C12orf42: variants seen among roughly 807,000 people sequenced by gnomAD.
C12orf42 encodes chromosome 12 open reading frame 42.
In C12orf42, 25 loss-of-function variants were observed where a neutral mutation model predicts 21.6. That is an observed-to-expected ratio of 1.16 (90% CI 0.84 to 1.62). The LOEUF (loss-of-function observed/expected upper bound fraction) is 1.62, where lower values mean the gene tolerates loss of function less well. Among genes scored for constraint, C12orf42 ranks in the 40% most tolerant of loss-of-function variants. The pLI is 0.00. For synonymous variants in C12orf42, 174 were observed against 175.0 expected (o/e 0.99, Z 0.05); for missense variants, 483 against 459.3 (o/e 1.05, Z -0.47).
chr12:103,267,974 C>T (rs1266932369), downstream of C12orf42: 3 of 151,846 alleles, frequency 2.0e-5, no homozygotes, highest in Non-Finnish European at 2.9e-5. Flanking sequence ...TTTTCAAAAT[C>T]GTATCAAAAT....
chr12:103,232,615 G>A (rs1426436968), downstream of C12orf42, among the ~76,000 whole-genome samples: 3 of 150,852 alleles, frequency 2.0e-5, no homozygotes, highest in Admixed American at 2.0e-4. Context: ...GGAGGCTGAG[G>A]CAGGAGAATG....
chr12:103,416,444 C>A (rs368233802), intron 2 of C12orf42, among the ~76,000 whole-genome samples: 5 of 151,908 alleles, frequency 3.3e-5, no homozygotes, highest in Non-Finnish European at 7.4e-5. Context: ...GGCCAGAGAG[C>A]AACTCCACAG....
At chr12:103,488,893 A>T (rs1186295174) in intron 1 of C12orf42, among the ~76,000 whole-genome samples, 3 of 152,150 alleles carry the variant, frequency 2.0e-5, no homozygotes, top group African/African-American at 7.2e-5. Flanking sequence ...AATGGGTTTG[A>T]ACATACTCCT....
At chr12:103,105,289 T>C in the C12orf42 span, among the ~76,000 whole-genome samples, 1 of 152,174 alleles carries the variant, frequency 6.6e-6, no homozygotes, top group African/African-American at 2.4e-5. Flanking sequence ...CAGATATTAT[T>C]ATGTCCAAAG....
At chr12:103,226,013 T>C in the C12orf42 span, among the ~76,000 whole-genome samples, 7 of 152,202 alleles carry the variant, frequency 4.6e-5, no homozygotes, top group African/African-American at 1.4e-4. Flanking sequence ...CCAGGGGATC[T>C]GGGAGTGGCT....
At chr12:103,302,680 G>GA (rs77313816) in intron 5 of C12orf42, 121 bp from the exon 6 acceptor site, 75,160 of 425,874 alleles carry the variant, frequency 0.18, 1,713 homozygotes, top group African/African-American at 0.3. Context: ...AGAGGGGAAA[G>GA]AAAAAAAAAA....
At chr12:103,506,061 G>T in the C12orf42 span, 1 of 222,666 alleles carries the variant, frequency 4.5e-6, no homozygotes, top group South Asian at 7.8e-5. Context: ...CCAAATGGCT[G>T]ATCTTTGCCA....
At chr12:103,083,152 G>A in the C12orf42 span, among the ~76,000 whole-genome samples, 3 of 152,242 alleles carry the variant, frequency 2.0e-5, no homozygotes, top group East Asian at 3.9e-4. Flanking sequence ...ATCATCTGTG[G>A]TCAGGAGTTT....
chr12:103,057,215 G>T, the C12orf42 span, among the ~76,000 whole-genome samples: 2 of 151,400 alleles, frequency 1.3e-5, no homozygotes, highest in Non-Finnish European at 2.9e-5. Context: ...TTAAGTTCAG[G>T]GATACATGTG....
chr12:103,093,981 C>T, the C12orf42 span, among the ~76,000 whole-genome samples: 6 of 152,112 alleles, frequency 3.9e-5, no homozygotes, highest in African/African-American at 7.2e-5. Context: ...TAAGGGAGGG[C>T]GTGGTGCTGT....
intron 3 of C12orf42, among the ~76,000 whole-genome samples, chr12:103,373,185 A>G (rs2045409213): frequency 6.6e-6 from 1 of 152,170 alleles, no homozygotes; most frequent in Non-Finnish European, 1.5e-5. Flanking sequence ...TTCACCACAA[A>G]GATACAAGAA....
chr12:103,505,923 A>G, the C12orf42 span: 1 of 167,936 alleles, frequency 6.0e-6, no homozygotes. Flanking sequence ...ATTTACTATC[A>G]GCTGGGCCAT....
intron 3 of C12orf42, among the ~76,000 whole-genome samples, chr12:103,379,920 C>A (rs944474658): frequency 2.6e-5 from 4 of 152,188 alleles, no homozygotes; most frequent in Admixed American, 2.6e-4. Context: ...GCAAGAAAAT[C>A]TGATTATCAG....
the C12orf42 span, among the ~76,000 whole-genome samples, chr12:103,552,032 CTT>C: frequency 1.3e-5 from 2 of 148,906 alleles, no homozygotes; most frequent in Middle Eastern, 3.4e-3. Context: ...ATATGTTGAC[CTT>C]TTTTTTTTAA....
the C12orf42 span, among the ~76,000 whole-genome samples, chr12:103,062,294 G>C: frequency 6.6e-6 from 1 of 151,438 alleles, no homozygotes; most frequent in Non-Finnish European, 1.5e-5. Flanking sequence ...TCTGCTTAAA[G>C]AAGGACTTGA....
At chr12:103,516,490 C>T in the C12orf42 span, among the ~76,000 whole-genome samples, 1 of 152,204 alleles carries the variant, frequency 6.6e-6, no homozygotes, top group Non-Finnish European at 1.5e-5. Flanking sequence ...TTAATTGACT[C>T]ACAGTTCCAC....
the C12orf42 span, among the ~76,000 whole-genome samples, chr12:103,185,493 C>T: frequency 2.6e-5 from 4 of 151,286 alleles, no homozygotes; most frequent in East Asian, 7.8e-4. Flanking sequence ...TCCTTCCTTC[C>T]TTATTCCTTC....
chr12:103,396,735 C>T lies in C12orf42; in HGVS notation c.147+4872G>A, dbSNP rs1032918019. ...GGTGCATTGTTAGTAGACAAAACAG[C>T]AATTGCAAAGGACCTAGGAGGGAAG... On this transcript the variant is annotated intron_variant, in intron 3 of 5. Coordinates refer to ENST00000548883, the MANE Select transcript of C12orf42 (RefSeq NM_198521.5). 5.3e-5 allele frequency: 8 copies of T among 152,286 alleles called. No individual in the cohort carries two copies. The Middle Eastern group carries it at 0.01, about 193-fold the overall frequency. The allele number at this position is 152,286 out of a possible 1,614,324, so 9.4% of individuals were successfully genotyped here.
intron 2 of C12orf42, among the ~76,000 whole-genome samples, chr12:103,475,708 A>G (rs944798446): frequency 6.6e-6 from 1 of 152,230 alleles, no homozygotes; most frequent in African/African-American, 2.4e-5. Context: ...CCGGGCTAAC[A>G]AAGTATTTTT....
Sources: gnomAD v4.1 joint callset for allele counts (sites outside exome capture counted in the v4.1 genomes callset) on GRCh38, gnomAD v4.1.1 for gene constraint, MANE v1.5 for transcripts, NCBI Gene and HGNC (gene_info 2026-07-23, HGNC 2026-07-21) for gene names.